Variants in PCCA observed in about 807,000 individuals in gnomAD.
The protein encoded by PCCA is propionyl-CoA carboxylase subunit alpha, also known as propionyl-CoA carboxylase alpha chain, mitochondrial.
A neutral mutation model predicts 101.3 loss-of-function variants in PCCA; 74 were observed. That is an observed-to-expected ratio of 0.73 (90% confidence interval 0.61 to 0.89). The LOEUF is 0.89. PCCA is among the 40% of genes least tolerant of loss of function. The pLI is 0.00. For missense variants in PCCA, 891 were observed against 907.0 expected (o/e 0.98, Z 0.23); for synonymous variants, 294 against 313.6 (o/e 0.94, Z 0.66).
chr13:100,451,715 C>CCTCTCTCTCTCTCTCT (rs71114697), intron 21 of PCCA, among the ~76,000 whole-genome samples: 25 of 96,082 alleles, frequency 2.6e-4, no homozygotes, highest in African/African-American at 1.1e-3. Context: ...TCTCCTCTCT[C>CCTCTCTCTCTCTCTCT]CTCTCTCTCT....
chr13:100,513,797 G>T (rs2086643446), intron 21 of PCCA, among the ~76,000 whole-genome samples: 1 of 152,244 alleles, frequency 6.6e-6, no homozygotes, highest in African/African-American at 2.4e-5. Flanking sequence ...TCGTAAGTCA[G>T]TCACACAGAA....
chr13:100,117,619 G>T (rs1683311570), intron 4 of PCCA, among the ~76,000 whole-genome samples: 1 of 151,310 alleles, frequency 6.6e-6, no homozygotes, highest in Non-Finnish European at 1.5e-5. Context: ...ACTGTGTCCT[G>T]TTGTGGGGTT....
At chr13:100,123,358 A>C (rs889483617) in intron 4 of PCCA, among the ~76,000 whole-genome samples, 1 of 152,204 alleles carries the variant, frequency 6.6e-6, no homozygotes, top group Non-Finnish European at 1.5e-5. Flanking sequence ...CCTGGCCCTG[A>C]ATAACTCTTT....
rs573742785 is a variant in PCCA, at chr13:100,308,095, C to T, written c.1353+835C>T. 7.3e-4 allele frequency among the ~76,000 whole-genome samples: 111 copies of T among 152,214 alleles called. 1 individual carries two copies. The highest frequency in any genetic ancestry group is 2.2e-3 in the African/African-American group (90 of 41,540). ...GTCTCCATCTCCTGACCTCGTGATCCGCCCGCCTCGGCCTCCCAAAGTTCT... is the reference window on the plus strand; with the variant it reads ...GTCTCCATCTCCTGACCTCGTGATCTGCCCGCCTCGGCCTCCCAAAGTTCT... On this transcript the variant is annotated intron_variant, in intron 15 of 23. Coordinates refer to ENST00000376285, the MANE Select transcript of PCCA (RefSeq NM_000282.4).
chr13:100,486,311 C>T (rs749729726), intron 21 of PCCA, among the ~76,000 whole-genome samples: 13 of 152,162 alleles, frequency 8.5e-5, no homozygotes, highest in East Asian at 1.9e-4. Flanking sequence ...ATGACTTCTG[C>T]GGGAGAAGTA....
chr13:100,171,594 A>T (rs1426030543), intron 6 of PCCA, among the ~76,000 whole-genome samples: 1 of 152,222 alleles, frequency 6.6e-6, no homozygotes, highest in East Asian at 1.9e-4. Context: ...ACTAGTCATT[A>T]ATAATTCTTT....
In PCCA at chr13:100,089,233, G is replaced by C; in HGVS notation, c.105+8G>C. 6.7e-7 allele frequency: 1 copy of C among 1,496,864 alleles called. No individual in the cohort carries two copies. Among genetic ancestry groups the C allele is most frequent in the East Asian group, 2.7e-5 (1 of 36,756 alleles). The allele number at this position is 1,496,864 out of a possible 1,614,324, so 92.7% of individuals were successfully genotyped here. On this transcript the variant is annotated splice_region_variant and intron_variant, in intron 1 of 23. Coordinates refer to ENST00000376285, the MANE Select transcript of PCCA (RefSeq NM_000282.4). ...GCGCTGCGGACCCTGAAGGTGAGGA[G>C]CAACGGGGCCTCGCGGGTCCGGGCT...
intron 18 of PCCA, among the ~76,000 whole-genome samples, chr13:100,344,384 C>T (rs77215816): frequency 0.029 from 4,414 of 152,272 alleles, 219 homozygotes; most frequent in African/African-American, 0.093. Flanking sequence ...AGATCCTTGA[C>T]AGGCATAATT....
rs763562313 is a variant in PCCA, at chr13:100,235,901, G to A, written c.637+23G>A. The stretch of plus-strand genomic sequence containing the variant: ...TTGGTAAGTCCTTAAATTAACTTTG[G>A]TAGGATTTCTGTGTCTTTCAGCAGA... On this transcript the variant is annotated intron_variant, in intron 8 of 23. Transcript: ENST00000376285. 342 of 1,529,554 alleles carry A rather than the reference G, an allele frequency of 2.2e-4. 9 individuals carry two copies. The highest frequency in any genetic ancestry group is 1.2e-3 in the South Asian group (108 of 89,446). 94.7% of individuals were successfully genotyped at this position (1,529,554 alleles called of 1,614,324 possible).
At chr13:100,106,027 A>T (rs186419979) in intron 2 of PCCA, among the ~76,000 whole-genome samples, 1 of 152,128 alleles carries the variant, frequency 6.6e-6, no homozygotes, top group South Asian at 2.1e-4. Context: ...CTTTACCTTT[A>T]AGGATAATAC....
chr13:100,516,433 T>G (rs2086833582), intron 22 of PCCA, among the ~76,000 whole-genome samples: 1 of 152,236 alleles, frequency 6.6e-6, no homozygotes, highest in African/African-American at 2.4e-5. Context: ...ATCAGGTAGT[T>G]GGCATTGGCT....
intron 6 of PCCA, among the ~76,000 whole-genome samples, chr13:100,183,038 T>G (rs796803082): frequency 1.6e-4 from 25 of 152,222 alleles, no homozygotes; most frequent in African/African-American, 5.1e-4. Flanking sequence ...TTGAGTGTTG[T>G]GTACAGGAAG....
At chr13:100,449,221 G>A (rs1218904842) in intron 20 of PCCA, 31 bp from the exon 21 acceptor site, 4 of 1,432,864 alleles carry the variant, frequency 2.8e-6, no homozygotes, top group Non-Finnish European at 3.8e-6. Context: ...GCAGATATGA[G>A]TTCATTTTAT....
chr13:100,401,839 A>G (rs577429872), intron 19 of PCCA, among the ~76,000 whole-genome samples: 1 of 152,336 alleles, frequency 6.6e-6, no homozygotes, highest in African/African-American at 2.4e-5. Flanking sequence ...TTGTTTGCAG[A>G]ATTAGAAGGA....
At chr13:100,207,449 C>A (rs937730324) in intron 6 of PCCA, among the ~76,000 whole-genome samples, 2 of 151,970 alleles carry the variant, frequency 1.3e-5, no homozygotes, top group Non-Finnish European at 2.9e-5. Context: ...GGCTCCATCT[C>A]GGCTCACTGC....
intron 7 of PCCA, among the ~76,000 whole-genome samples, chr13:100,230,594 C>G (rs1482327432): frequency 6.6e-6 from 1 of 151,824 alleles, no homozygotes; most frequent in Admixed American, 6.6e-5. Flanking sequence ...AGCATGCCAC[C>G]CTGGACTCTG....
intron 9 of PCCA, among the ~76,000 whole-genome samples, chr13:100,260,167 C>T (rs1369344719): frequency 6.6e-6 from 1 of 152,090 alleles, no homozygotes; most frequent in African/African-American, 2.4e-5. Flanking sequence ...ATTTTGCTTC[C>T]AGTTTCTTTG....
At chr13:100,474,024 C>A (rs1340426528) in intron 21 of PCCA, among the ~76,000 whole-genome samples, 1 of 152,090 alleles carries the variant, frequency 6.6e-6, no homozygotes, top group African/African-American at 2.4e-5. Flanking sequence ...TTTGATGAAC[C>A]CCCTGGGTAG....
At chr13:100,101,672 T>C (rs1321213643) in intron 1 of PCCA, among the ~76,000 whole-genome samples, 1 of 152,186 alleles carries the variant, frequency 6.6e-6, no homozygotes, top group Non-Finnish European at 1.5e-5. Flanking sequence ...GGATCTAGGC[T>C]CACAGCAACC....
Sources: gnomAD v4.1 joint callset for allele counts (sites outside exome capture counted in the v4.1 genomes callset) on GRCh38, gnomAD v4.1.1 for gene constraint, MANE v1.5 for transcripts, NCBI Gene and HGNC (gene_info 2026-07-23, HGNC 2026-07-21) for gene names.